Variants in SDCCAG8 observed in about 807,000 individuals in gnomAD.
SDCCAG8 encodes SHH signaling and ciliogenesis regulator SDCCAG8.
A neutral mutation model predicts 101.8 loss-of-function variants in SDCCAG8; 74 were observed. The ratio of observed to expected loss-of-function variants is 0.73; its 90% CI spans 0.60 to 0.88. The LOEUF (loss-of-function observed/expected upper bound fraction) is 0.88, where lower values mean the gene tolerates loss of function less well. SDCCAG8 is among the 40% of genes least tolerant of loss of function. The pLI is 0.00. For missense variants in SDCCAG8, 787 were observed against 822.6 expected (o/e 0.96, Z 0.53); for synonymous variants, 281 against 292.9 (o/e 0.96, Z 0.41).
intron 16 of SDCCAG8, among the ~76,000 whole-genome samples, chr1:243,484,158 G>T (rs1664320972): frequency 6.6e-6 from 1 of 152,218 alleles, no homozygotes; most frequent in Non-Finnish European, 1.5e-5. Context: ...TCCTCTGTCT[G>T]TTAAATGGCA....
chr1:243,394,220 T>C (rs767134384), intron 13 of SDCCAG8, among the ~76,000 whole-genome samples: 2 of 152,174 alleles, frequency 1.3e-5, no homozygotes, highest in Non-Finnish European at 2.9e-5. Flanking sequence ...CATTACAGGA[T>C]TTGAAATAGG....
intron 1 of SDCCAG8, chr1:243,267,527 G>A (rs71652480): frequency 3.0e-5 from 12 of 402,572 alleles, no homozygotes; most frequent in African/African-American, 1.2e-4. Flanking sequence ...GCTTGAACCC[G>A]AGAGGCGGAG....
At chr1:243,447,879 G>T (rs1246510013) in intron 16 of SDCCAG8, among the ~76,000 whole-genome samples, 1 of 152,314 alleles carries the variant, frequency 6.6e-6, no homozygotes, top group East Asian at 1.9e-4. Context: ...TCCCTGTGGG[G>T]TGGTTCTTGG....
At chr1:243,460,944 A>G (rs1160070704) in intron 16 of SDCCAG8, among the ~76,000 whole-genome samples, 1 of 152,186 alleles carries the variant, frequency 6.6e-6, no homozygotes, top group Non-Finnish European at 1.5e-5. Context: ...TATTATACCT[A>G]TTTAATGCTA....
At chr1:243,267,346 CA>C (rs770963287) in intron 1 of SDCCAG8, 1 of 241,562 alleles carries the variant, frequency 4.1e-6, no homozygotes, top group Non-Finnish European at 8.2e-6. Context: ...CCTGTAATCC[CA>C]AGACTTTTGG....
At chr1:243,287,200 G>T (rs1029151874) in intron 5 of SDCCAG8, among the ~76,000 whole-genome samples, 1 of 152,112 alleles carries the variant, frequency 6.6e-6, no homozygotes, top group Non-Finnish European at 1.5e-5. Flanking sequence ...TAAACTTTTT[G>T]TAACTGTTTT....
chr1:243,475,140 G>A lies in SDCCAG8; in HGVS notation c.1986-13874G>A, dbSNP rs376245822. 1.8e-4 allele frequency among the ~76,000 whole-genome samples: 28 copies of A among 152,254 alleles called. No homozygotes were observed. The East Asian group carries it at 3.1e-3, about 17-fold the overall frequency. ...CTGCAGCCCCTCCCGGACACGCACA[G>A]GCCCTGAGCCCTGTCCTACAGCCCC... On this transcript the variant is annotated intron_variant, in intron 16 of 17. Coordinates refer to ENST00000366541, the MANE Select transcript of SDCCAG8 (RefSeq NM_006642.5).
Position 243,263,340 on chromosome 1 carries a change from G to T in SDCCAG8, c.68-6765G>T, listed in dbSNP as rs547817547. On this transcript the variant is annotated intron_variant, in intron 1 of 17. Transcript: ENST00000366541. ...AGCCCCTTCCAAAAGAGAATTATCA[G>T]GTCCAAACTGTCAATAGTGCTGAGG... Among the ~76,000 whole-genome samples, 4 of 152,270 alleles carry T rather than the reference G, an allele frequency of 2.6e-5. No homozygotes were observed. The East Asian group carries it at 7.7e-4, about 29-fold the overall frequency.
chr1:243,412,561 AT>A (rs1003748481), intron 13 of SDCCAG8, among the ~76,000 whole-genome samples: 11 of 151,372 alleles, frequency 7.3e-5, no homozygotes, highest in African/African-American at 2.7e-4. Context: ...ACATTATGAG[AT>A]TTTTTTTGTG....
chr1:243,347,718 A>G (rs537024938), intron 12 of SDCCAG8, among the ~76,000 whole-genome samples: 10 of 152,154 alleles, frequency 6.6e-5, no homozygotes, highest in South Asian at 2.1e-4. Context: ...ACAGCCTTGT[A>G]TTTAAGATTT....
At chr1:243,293,548 A>G in intron 6 of SDCCAG8, 1 of 477,124 alleles carries the variant, frequency 2.1e-6, no homozygotes, top group Non-Finnish European at 4.1e-6. Context: ...ATTAAACAAT[A>G]CTTGTCCTTT....
chr1:243,354,940 G>T (rs1163851386), intron 12 of SDCCAG8, among the ~76,000 whole-genome samples: 1 of 152,172 alleles, frequency 6.6e-6, no homozygotes, highest in Admixed American at 6.5e-5. Flanking sequence ...GACAGACCAC[G>T]CTACAAAGAG....
chr1:243,314,824 C>T (rs2073090013), intron 8 of SDCCAG8, among the ~76,000 whole-genome samples: 1 of 152,146 alleles, frequency 6.6e-6, no homozygotes, highest in African/African-American at 2.4e-5. Context: ...ATTCTTGTGC[C>T]TCAGCCTCCC....
At position 243,499,935 on chromosome 1, in the gene SDCCAG8, G is replaced by C. The variant is rs1226067360; in HGVS notation, c.*150G>C. ...GCTGGTCCTCATCAACGCGGGCGCT[G>C]TCCCCGCACGCAGTCGGGCTGGAGC... On this transcript the variant is annotated 3_prime_UTR_variant, in exon 18 of 18. Coordinates refer to ENST00000366541, the MANE Select transcript of SDCCAG8 (RefSeq NM_006642.5). 1 of 722,056 alleles carries C rather than the reference G, an allele frequency of 1.4e-6. No homozygotes were observed. Among genetic ancestry groups the C allele is most frequent in the South Asian group, 1.5e-5 (1 of 66,544 alleles). The allele number at this position is 722,056 out of a possible 1,614,324, so 44.7% of individuals were successfully genotyped here. A position where few individuals can be genotyped will look rare whatever the true frequency, so the allele number is the denominator to read the frequency against.
At chr1:243,349,194 T>C (rs2075943057) in intron 12 of SDCCAG8, among the ~76,000 whole-genome samples, 1 of 152,174 alleles carries the variant, frequency 6.6e-6, no homozygotes. Context: ...TACTAATATA[T>C]GTGTATATAT....
At position 243,259,666 on chromosome 1, in the gene SDCCAG8, A is replaced by G. The variant is rs186398507; in HGVS notation, c.67+3426A>G. Among the ~76,000 whole-genome samples, 36 of 151,752 alleles carry G rather than the reference A, an allele frequency of 2.4e-4. No homozygotes were observed. In the East Asian group the frequency reaches 5.1e-3, roughly 22 times the overall value. ...GAAACCCTGTCTCTACTAAAAATACAAAATGAGCCAGGCGTGGTGGCAGGC... is the reference window on the plus strand; with the variant it reads ...GAAACCCTGTCTCTACTAAAAATACGAAATGAGCCAGGCGTGGTGGCAGGC... On this transcript the variant is annotated intron_variant, in intron 1 of 17. Coordinates refer to ENST00000366541, the MANE Select transcript of SDCCAG8 (RefSeq NM_006642.5).
chr1:243,386,520 G>A (rs1009117069), intron 13 of SDCCAG8, among the ~76,000 whole-genome samples: 1 of 152,088 alleles, frequency 6.6e-6, no homozygotes, highest in African/African-American at 2.4e-5. Context: ...TTGGGAGGCC[G>A]AGACAGGCGG....
At chr1:243,422,754 G>C (rs1421741261) in intron 15 of SDCCAG8, among the ~76,000 whole-genome samples, 1 of 152,110 alleles carries the variant, frequency 6.6e-6, no homozygotes, top group Admixed American at 6.6e-5. Context: ...AAAAAATTAA[G>C]ATATTGTATT....
At chr1:243,427,758 C>T (rs1036451685) in intron 16 of SDCCAG8, among the ~76,000 whole-genome samples, 2 of 152,100 alleles carry the variant, frequency 1.3e-5, no homozygotes, top group African/African-American at 2.4e-5. Context: ...GATGGCACTG[C>T]TTGTCAGTTA....
Sources: gnomAD v4.1 joint callset for allele counts (sites outside exome capture counted in the v4.1 genomes callset) on GRCh38, gnomAD v4.1.1 for gene constraint, MANE v1.5 for transcripts, NCBI Gene and HGNC (gene_info 2026-07-23, HGNC 2026-07-21) for gene names.